Variants in BIRC6 observed in about 807,000 individuals in gnomAD.
The protein encoded by BIRC6 is dual E2 ubiquitin-conjugating enzyme/E3 ubiquitin-protein ligase BIRC6.
In BIRC6, 98 loss-of-function variants were observed where a neutral mutation model predicts 503.3. The observed-to-expected ratio is 0.19, with a 90% confidence interval of 0.17 to 0.23. The LOEUF is 0.23. BIRC6 is among the 10% of genes least tolerant of loss of function. The pLI, the probability that BIRC6 is intolerant of heterozygous loss-of-function variation, is 1.00. For missense variants in BIRC6, 5,360 were observed against 5,806.0 expected (o/e 0.92, Z 2.50); for synonymous variants, 2,240 against 2,078.7 (o/e 1.08, Z -2.11).
chr2:32,586,564 G>A (rs1022776016), intron 66 of BIRC6, among the ~76,000 whole-genome samples: 4 of 150,482 alleles, frequency 2.7e-5, no homozygotes, highest in Non-Finnish European at 4.4e-5. Context: ...GACTACAGGC[G>A]TACACCACCA....
At chr2:32,548,784 A>G (rs1332704519) in intron 64 of BIRC6, 1 of 152,216 alleles carries the variant, frequency 6.6e-6, no homozygotes, top group African/African-American at 2.4e-5. Context: ...CTCGGTCTCA[A>G]AAAAATGAAT....
intron 61 of BIRC6, among the ~76,000 whole-genome samples, chr2:32,534,994 T>C (rs2057099198): frequency 6.6e-6 from 1 of 151,144 alleles, no homozygotes; most frequent in African/African-American, 2.4e-5. Flanking sequence ...TGCCTGGAAC[T>C]GTCATGGTAA....
At chr2:32,606,479 G>A (rs1383811208) in intron 71 of BIRC6, among the ~76,000 whole-genome samples, 2 of 152,038 alleles carry the variant, frequency 1.3e-5, no homozygotes, top group Non-Finnish European at 2.9e-5. Flanking sequence ...TATAGTCCTA[G>A]CTACTTGAGA....
At chr2:32,599,021 C>CAA (rs35744882) in intron 69 of BIRC6, among the ~76,000 whole-genome samples, 6,007 of 27,338 alleles carry the variant, frequency 0.22, 901 homozygotes, top group African/African-American at 0.25. Context: ...AACTCCATCT[C>CAA]AAAAAAAAAA....
intron 65 of BIRC6, among the ~76,000 whole-genome samples, chr2:32,569,537 T>A (rs1448877190): frequency 6.6e-6 from 1 of 152,078 alleles, no homozygotes; most frequent in Non-Finnish European, 1.5e-5. Context: ...CCTGACTAAT[T>A]TCCTTTTTGG....
At chr2:32,409,529 T>C (rs1361208142) in intron 9 of BIRC6, among the ~76,000 whole-genome samples, 1 of 152,160 alleles carries the variant, frequency 6.6e-6, no homozygotes. Context: ...TTGGAGGTTA[T>C]GAGGTTTGAA....
rs926209518 is a variant in BIRC6 at position 32,449,093 on chromosome 2, C to T, written c.4618+165C>T. The T allele has an allele frequency of 8.7e-6, 5 of 573,536 alleles. No individual in the cohort carries two copies. In the African/African-American group the frequency reaches 9.6e-5, roughly 11 times the overall value. 35.5% of individuals were successfully genotyped at this position (573,536 alleles called of 1,614,324 possible). A position where few individuals can be genotyped will look rare whatever the true frequency, so the allele number is the denominator to read the frequency against. On this transcript the variant is annotated intron_variant, in intron 22 of 73. Coordinates refer to ENST00000421745, the MANE Select transcript of BIRC6 (RefSeq NM_016252.4). ...AATGTTTCCTAGAAGTTCTTAACTTCCTCTTTCCCTCTGAAGAAAATCCCA... is the reference window on the plus strand; with the variant it reads ...AATGTTTCCTAGAAGTTCTTAACTTTCTCTTTCCCTCTGAAGAAAATCCCA...
At chr2:32,500,600 G>GTT (rs1169227018) in intron 46 of BIRC6, among the ~76,000 whole-genome samples, 74 of 103,102 alleles carry the variant, frequency 7.2e-4, no homozygotes, top group African/African-American at 1.3e-3. Flanking sequence ...TTTTGTTTTT[G>GTT]TTTTTGTTTT....
At chr2:32,482,408 T>A (rs71446071) in intron 38 of BIRC6, 21 bp from the exon 39 acceptor site, 3 of 1,601,514 alleles carry the variant, frequency 1.9e-6, no homozygotes, top group South Asian at 2.2e-5. Context: ...TAAACCACAG[T>A]TTTTTTTCCA....
chr2:32,504,248 T>C (rs1287019754), intron 49 of BIRC6, among the ~76,000 whole-genome samples: 1 of 152,130 alleles, frequency 6.6e-6, no homozygotes, highest in South Asian at 2.1e-4. Context: ...GTATTTACTT[T>C]TTTATCTAGT....
intron 51 of BIRC6, among the ~76,000 whole-genome samples, chr2:32,509,061 G>A (rs1477785054): frequency 6.7e-6 from 1 of 149,240 alleles, no homozygotes; most frequent in Non-Finnish European, 1.5e-5. Context: ...AGTGAACTCT[G>A]TCTTTAAAAA....
intron 66 of BIRC6, among the ~76,000 whole-genome samples, chr2:32,581,427 G>A (rs1304552694): frequency 1.3e-5 from 2 of 152,256 alleles, no homozygotes; most frequent in South Asian, 2.1e-4. Context: ...GCATTTGTGA[G>A]GAAGAACTTT....
intron 40 of BIRC6, among the ~76,000 whole-genome samples, chr2:32,486,403 T>C (rs933347450): frequency 1.3e-5 from 2 of 152,226 alleles, no homozygotes; most frequent in Admixed American, 6.5e-5. Flanking sequence ...ACAGGTAGCC[T>C]GCCAGAGCTG....
At chr2:32,569,014 C>T (rs2150908069) in intron 65 of BIRC6, among the ~76,000 whole-genome samples, 1 of 143,364 alleles carries the variant, frequency 7.0e-6, no homozygotes, top group Non-Finnish European at 1.5e-5. Context: ...GATGGAGTCT[C>T]CCTCCGTTGC....
chr2:32,533,113 A>G (rs2056917748), intron 61 of BIRC6, among the ~76,000 whole-genome samples: 1 of 152,204 alleles, frequency 6.6e-6, no homozygotes, highest in Non-Finnish European at 1.5e-5. Flanking sequence ...GAATATCTGA[A>G]TTGTCATAAG....
At chr2:32,398,445 T>A (rs796959395) in intron 6 of BIRC6, among the ~76,000 whole-genome samples, 9 of 152,318 alleles carry the variant, frequency 5.9e-5, no homozygotes, top group African/African-American at 2.2e-4. Flanking sequence ...TTCGTGTTAA[T>A]AGAATGGTAG....
At chr2:32,375,782 C>G (rs1411725780) in intron 1 of BIRC6, among the ~76,000 whole-genome samples, 7 of 142,138 alleles carry the variant, frequency 4.9e-5, no homozygotes, top group Non-Finnish European at 1.1e-4. Flanking sequence ...TTATTGTAAT[C>G]ATATGACTTG....
intron 50 of BIRC6, among the ~76,000 whole-genome samples, chr2:32,506,458 G>T (rs959509149): frequency 6.6e-6 from 1 of 152,140 alleles, no homozygotes; most frequent in African/African-American, 2.4e-5. Context: ...TGTTTTAGGA[G>T]GTCAAAAATA....
intron 71 of BIRC6, among the ~76,000 whole-genome samples, chr2:32,606,489 A>G (rs1163116166): frequency 6.6e-6 from 1 of 152,014 alleles, no homozygotes; most frequent in East Asian, 1.9e-4. Context: ...GCTACTTGAG[A>G]GGCTGAGGAA....
Sources: gnomAD v4.1 joint callset for allele counts (sites outside exome capture counted in the v4.1 genomes callset) on GRCh38, gnomAD v4.1.1 for gene constraint, MANE v1.5 for transcripts, NCBI Gene and HGNC (gene_info 2026-07-23, HGNC 2026-07-21) for gene names.